Variants in COMMD1 observed in about 807,000 individuals in gnomAD.
COMMD1 encodes COMM domain-containing protein 1.
A neutral mutation model predicts 17.2 loss-of-function variants in COMMD1; 10 were observed. The observed-to-expected ratio is 0.58, with a 90% CI of 0.36 to 0.99. The LOEUF (loss-of-function observed/expected upper bound fraction) is 0.99. Ranked by LOEUF, COMMD1 falls within the 50% of genes least tolerant of loss-of-function variation. The pLI is 0.01. For missense variants in COMMD1, 270 were observed against 231.8 expected, an observed-to-expected ratio of 1.17 and a Z score of -1.07; for synonymous variants, 97 against 91.6, an observed-to-expected ratio of 1.06 and a Z score of -0.34.
At chr2:62,043,544 C>T (rs934217202) in intron 2 of COMMD1, among the ~76,000 whole-genome samples, 1 of 152,074 alleles carries the variant, frequency 6.6e-6, no homozygotes, top group African/African-American at 2.4e-5. Context: ...ATAAACTTGT[C>T]GCATTAATGG....
At chr2:61,968,114 T>C (rs530051680) in intron 1 of COMMD1, among the ~76,000 whole-genome samples, 1 of 152,258 alleles carries the variant, frequency 6.6e-6, no homozygotes, top group Admixed American at 6.5e-5. Flanking sequence ...TGAGCCAAGA[T>C]TGTGCCACTG....
chr2:62,112,545 G>A (rs11125907), intron 2 of COMMD1, among the ~76,000 whole-genome samples: 50,977 of 152,112 alleles, frequency 0.34, 8,570 homozygotes, highest in Admixed American at 0.38. Context: ...AAGGGACGGG[G>A]TATGTGTAAC....
intron 1 of COMMD1, among the ~76,000 whole-genome samples, chr2:61,983,268 C>T (rs182765942): frequency 1.8e-3 from 270 of 150,840 alleles, no homozygotes; most frequent in African/African-American, 5.6e-3. Context: ...TGGCTTACTG[C>T]AACCTCCGCA....
chr2:61,902,366 T>C (rs1054860272), upstream of COMMD1, among the ~76,000 whole-genome samples: 20 of 151,160 alleles, frequency 1.3e-4, no homozygotes, highest in Admixed American at 2.6e-4. Context: ...ATTAGCCAGG[T>C]GTGGTGGCGC....
At chr2:62,071,704 C>G (rs918424944) in intron 2 of COMMD1, among the ~76,000 whole-genome samples, 1 of 152,138 alleles carries the variant, frequency 6.6e-6, no homozygotes, top group African/African-American at 2.4e-5. Context: ...CTAAGCCTCC[C>G]TCACCCCATG....
intron 1 of COMMD1, among the ~76,000 whole-genome samples, chr2:61,935,478 A>G (rs1036820246): frequency 6.6e-6 from 1 of 152,066 alleles, no homozygotes; most frequent in African/African-American, 2.4e-5. Flanking sequence ...AAATACAAAA[A>G]TTAGCTGGGC....
intron 2 of COMMD1, among the ~76,000 whole-genome samples, chr2:62,120,224 TC>T (rs1211851814): frequency 9.2e-5 from 14 of 151,878 alleles, no homozygotes; most frequent in Non-Finnish European, 1.5e-4. Context: ...AGTCTTGAAC[TC>T]CCCAGACTGA....
At chr2:62,089,426 C>A (rs1170504194) in intron 2 of COMMD1, among the ~76,000 whole-genome samples, 2 of 151,962 alleles carry the variant, frequency 1.3e-5, no homozygotes, top group African/African-American at 2.4e-5. Context: ...GCTGGGATTA[C>A]AAGCGCGCTA....
At chr2:61,964,518 T>A (rs534975681) in intron 1 of COMMD1, among the ~76,000 whole-genome samples, 1 of 152,294 alleles carries the variant, frequency 6.6e-6, no homozygotes, top group East Asian at 1.9e-4. Flanking sequence ...CCTGGTCTTA[T>A]ATTTTTCATT....
At chr2:61,940,745 G>A (rs187945953) in intron 1 of COMMD1, among the ~76,000 whole-genome samples, 1 of 150,922 alleles carries the variant, frequency 6.6e-6, no homozygotes, top group Non-Finnish European at 1.5e-5. Flanking sequence ...GTGCAGTGGC[G>A]CGAACTCCTC....
intron 2 of COMMD1, among the ~76,000 whole-genome samples, chr2:62,086,377 G>T (rs1671668837): frequency 6.6e-6 from 1 of 151,872 alleles, no homozygotes; most frequent in African/African-American, 2.4e-5. Context: ...CAGGCCTGGC[G>T]GCGTGCGCCT....
chr2:61,968,943 GTC>G, intron 1 of COMMD1: 1 of 273,152 alleles, frequency 3.7e-6, no homozygotes, highest in Admixed American at 4.2e-5. Context: ...TCTTTATTTA[GTC>G]TTTTTTTTTT....
At chr2:61,909,232 T>A (rs982523196) in intron 1 of COMMD1, among the ~76,000 whole-genome samples, 2 of 152,130 alleles carry the variant, frequency 1.3e-5, no homozygotes, top group Non-Finnish European at 2.9e-5. Flanking sequence ...GGCACAAACA[T>A]GATTTTTACA....
At chr2:62,043,087 A>G (rs1336774224) in intron 2 of COMMD1, among the ~76,000 whole-genome samples, 5 of 152,222 alleles carry the variant, frequency 3.3e-5, no homozygotes, top group Non-Finnish European at 7.3e-5. Context: ...AAAGATGCCA[A>G]GTCCTATCAT....
intron 2 of COMMD1, among the ~76,000 whole-genome samples, chr2:62,064,619 C>T (rs1670974043): frequency 6.6e-6 from 1 of 152,156 alleles, no homozygotes; most frequent in African/African-American, 2.4e-5. Context: ...ATACAGAAGT[C>T]TCAATTCCCT....
intron 1 of COMMD1, among the ~76,000 whole-genome samples, chr2:61,953,617 A>G (rs1403177138): frequency 4.7e-5 from 7 of 150,106 alleles, no homozygotes; most frequent in Admixed American, 4.0e-4. Flanking sequence ...CAATCTGCCC[A>G]CCTCGGCTTC....
chr2:61,930,780 G>T (rs1404284042), intron 1 of COMMD1, among the ~76,000 whole-genome samples: 1 of 151,594 alleles, frequency 6.6e-6, no homozygotes, highest in East Asian at 1.9e-4. Flanking sequence ...TGATAGGCAT[G>T]GAATTGAAGC....
chr2:62,054,810 T>C (rs373235315), intron 2 of COMMD1, among the ~76,000 whole-genome samples: 1 of 152,226 alleles, frequency 6.6e-6, no homozygotes, highest in Non-Finnish European at 1.5e-5. Flanking sequence ...ACTTGACCTC[T>C]ATGCAATCTA....
intron 1 of COMMD1, among the ~76,000 whole-genome samples, chr2:61,991,056 A>G (rs1672239751): frequency 6.6e-6 from 1 of 151,490 alleles, no homozygotes; most frequent in African/African-American, 2.4e-5. Context: ...GTGCCACTGC[A>G]CTCCAGCTGG....
Sources: allele counts gnomAD v4.1 joint callset (sites outside exome capture counted in the v4.1 genomes callset), GRCh38; gene constraint gnomAD v4.1.1; transcripts MANE v1.5; gene names NCBI Gene and HGNC (gene_info 2026-07-23, HGNC 2026-07-21).